Variants in PROSER2 observed in about 807,000 individuals in gnomAD.
PROSER2 encodes proline and serine rich 2.
PROSER2 carries 18 observed loss-of-function variants against 14.6 expected under a neutral mutation model. That is an observed-to-expected ratio of 1.23 (90% CI 0.85 to 1.83). PROSER2 has a LOEUF of 1.83. Ranked by LOEUF, PROSER2 falls within the 40% of genes most tolerant of loss-of-function variation. The probability of loss-of-function intolerance (pLI) is 0.00; values close to 1 mark genes in which losing one functional copy is unlikely to be tolerated. For synonymous variants in PROSER2, 367 were observed against 286.4 expected, an observed-to-expected ratio of 1.28 and a Z score of -2.84; for missense variants, 823 against 629.8, an observed-to-expected ratio of 1.31 and a Z score of -3.28.
In PROSER2 at chr10:11,869,042, G is replaced by A. The variant is rs1444485229; in HGVS notation, c.392-448G>A. On this transcript the variant is annotated intron_variant, in intron 3 of 3. Coordinates refer to ENST00000277570, the MANE Select transcript of PROSER2 (RefSeq NM_153256.4). The surrounding 1 kb of genome is among the most constrained non-coding windows in gnomAD (Gnocchi z 4.4). The stretch of plus-strand genomic sequence containing the variant: ...TATGTAAGGACTCAGAGGCAGGCCT[G>A]TTAAATTCTCTGTCATAGAGGAAAG... 1.3e-5 allele frequency among the ~76,000 whole-genome samples: 2 copies of A among 152,230 alleles called. No individual in the cohort carries two copies. The highest frequency in any genetic ancestry group is 2.9e-5 in the Non-Finnish European group (2 of 68,036).
chr10:11,825,680 C>G (rs1468950526), intron 1 of PROSER2, among the ~76,000 whole-genome samples: 3 of 152,166 alleles, frequency 2.0e-5, no homozygotes, highest in Non-Finnish European at 4.4e-5. Context: ...ATCTTGAAAC[C>G]TAAGAGTATT....
At position 11,840,365 on chromosome 10, in the gene PROSER2, A is replaced by G. The variant is rs117459187; in HGVS notation, c.-81-11632A>G. 3.4e-4 allele frequency among the ~76,000 whole-genome samples: 52 copies of G among 152,210 alleles called. No homozygotes were observed. In the East Asian group the frequency reaches 8.9e-3, roughly 26 times the overall value. Reference sequence around the variant, plus strand: ...TTTCTGCATAATTTTAAGTTTCTCAAATGCTTCTTTCATCATCTATTGAGA... The same window carrying G: ...TTTCTGCATAATTTTAAGTTTCTCAGATGCTTCTTTCATCATCTATTGAGA... On this transcript the variant is annotated intron_variant, in intron 1 of 3. Transcript: ENST00000277570.
chr10:11,827,639 C>T (rs2131043132), intron 1 of PROSER2, among the ~76,000 whole-genome samples: 1 of 151,236 alleles, frequency 6.6e-6, no homozygotes, highest in East Asian at 1.9e-4. Context: ...GTACAATGTG[C>T]CAAGCTGTTG....
chr10:11,843,550 G>A (rs1174502374), intron 1 of PROSER2, among the ~76,000 whole-genome samples: 1 of 152,036 alleles, frequency 6.6e-6, no homozygotes, highest in Non-Finnish European at 1.5e-5. Context: ...TAGGCGCGTG[G>A]TAGCACACGC....
At position 11,830,618 on chromosome 10, in the gene PROSER2, G is replaced by A. The variant is rs1221740042; in HGVS notation, c.-82+7148G>A. 3.3e-5 allele frequency among the ~76,000 whole-genome samples: 5 copies of A among 152,132 alleles called. No homozygotes were observed. The highest frequency in any genetic ancestry group is 2.9e-5 in the Non-Finnish European group (2 of 68,024). On this transcript the variant is annotated intron_variant, in intron 1 of 3. Coordinates refer to ENST00000277570, the MANE Select transcript of PROSER2 (RefSeq NM_153256.4). The surrounding 1 kb of genome is among the most constrained non-coding windows in gnomAD (Gnocchi z 4.5). ...AATCTCTATTCTGTTTTCCATAGTC[G>A]ACTCTACCCTTGAGCTACTTAAAGG...
intron 1 of PROSER2, among the ~76,000 whole-genome samples, chr10:11,834,552 T>C (rs1273692144): frequency 6.6e-6 from 1 of 151,686 alleles, no homozygotes; most frequent in African/African-American, 2.4e-5. Context: ...CTGGCCAACC[T>C]GGTGAAACCC....
intron 1 of PROSER2, among the ~76,000 whole-genome samples, chr10:11,827,196 A>G (rs983908186): frequency 2.1e-5 from 3 of 145,830 alleles, no homozygotes; most frequent in African/African-American, 5.0e-5. Flanking sequence ...TTCCTTTACA[A>G]AAAAAAAAAA....
chr10:11,853,241 A>AC (rs1012537300), intron 2 of PROSER2, among the ~76,000 whole-genome samples: 2 of 152,060 alleles, frequency 1.3e-5, no homozygotes, highest in African/African-American at 4.8e-5. Context: ...AATTTTCTAG[A>AC]CCCCCACTTG....
At chr10:11,825,776 G>T (rs1219274701) in intron 1 of PROSER2, among the ~76,000 whole-genome samples, 1 of 152,224 alleles carries the variant, frequency 6.6e-6, no homozygotes. Context: ...TGCCTTGTCG[G>T]ACAGGGATGG....
intron 1 of PROSER2, among the ~76,000 whole-genome samples, chr10:11,841,509 A>G (rs527938764): frequency 7.2e-5 from 11 of 152,122 alleles, no homozygotes; most frequent in African/African-American, 2.6e-4. Context: ...GGTTCATTAA[A>G]TTTCAGCCTT....
In PROSER2 at chr10:11,830,062, C is replaced by T. The variant is rs953349247; in HGVS notation, c.-82+6592C>T. On this transcript the variant is annotated intron_variant, in intron 1 of 3. Transcript: ENST00000277570. The surrounding 1 kb of genome is among the most constrained non-coding windows in gnomAD (Gnocchi z 4.5). ...TTTGCCATGTTGGCCATGCTGGTCT[C>T]GAACTCCTGAGCTCAAGTGATTCAC... 6.6e-6 allele frequency among the ~76,000 whole-genome samples: 1 copy of T among 151,926 alleles called. No homozygotes were observed. Among genetic ancestry groups the T allele is most frequent in the Non-Finnish European group, 1.5e-5 (1 of 67,980 alleles).
intron 1 of PROSER2, among the ~76,000 whole-genome samples, chr10:11,825,453 G>C (rs1833598067): frequency 1.3e-5 from 2 of 152,156 alleles, no homozygotes; most frequent in South Asian, 2.1e-4. Context: ...GCTCTAAGAA[G>C]AGGGCCTTGC....
rs184288372 is a variant in PROSER2 at position 11,836,389 on chromosome 10, G to A, written c.-82+12919G>A. The stretch of plus-strand genomic sequence containing the variant: ...TTTTTGCATTTTTGGTAGAGATGGG[G>A]TTTCACCATGTTAGCCAGGCTGGTC... On this transcript the variant is annotated intron_variant, in intron 1 of 3. Transcript: ENST00000277570. The surrounding 1 kb of genome is among the most constrained non-coding windows in gnomAD (Gnocchi z 4.6). 9.9e-5 allele frequency among the ~76,000 whole-genome samples: 15 copies of A among 152,118 alleles called. No individual in the cohort carries two copies. Among genetic ancestry groups the A allele is most frequent in the African/African-American group, 3.1e-4 (13 of 41,496 alleles).
chr10:11,857,942 T>C (rs1322736678), intron 2 of PROSER2, among the ~76,000 whole-genome samples: 1 of 152,044 alleles, frequency 6.6e-6, no homozygotes, highest in Admixed American at 6.6e-5. Context: ...TTTCTTTTTT[T>C]TTCCCCCCCA....
chr10:11,840,416 C>G (rs1833820019), intron 1 of PROSER2, among the ~76,000 whole-genome samples: 1 of 152,098 alleles, frequency 6.6e-6, no homozygotes, highest in African/African-American at 2.4e-5. Context: ...TCTAATTTAA[C>G]CTGTTAATGT....
intron 2 of PROSER2, among the ~76,000 whole-genome samples, chr10:11,854,581 G>C (rs1834086836): frequency 6.6e-6 from 1 of 151,556 alleles, no homozygotes; most frequent in Non-Finnish European, 1.5e-5. Context: ...CAAGTGCTGG[G>C]ATTATAGGCA....
Position 11,870,387 on chromosome 10 carries a change from T to C in PROSER2, c.1289T>C (p.Leu430Pro). ...ARREALRKLG[L>P]LRESS Reference sequence around the variant, plus strand: ...AGGGAGGCCCTGCGGAAGCTGGGGCTGCTCAGGGAGAGTTCGTGAGGGCCG... The same window carrying C: ...AGGGAGGCCCTGCGGAAGCTGGGGCCGCTCAGGGAGAGTTCGTGAGGGCCG... Residue 430 changes from leucine (L) to proline (P), a missense_variant, in exon 4 of 4, where the codon CTG (leucine) becomes CCG (proline). Transcript: ENST00000277570. 1 of 1,505,034 alleles carries C rather than the reference T, an allele frequency of 6.6e-7. No individual in the cohort carries two copies. Among genetic ancestry groups the C allele is most frequent in the Non-Finnish European group, 8.9e-7 (1 of 1,128,902 alleles). The allele number at this position is 1,505,034 out of a possible 1,614,324, so 93.2% of individuals were successfully genotyped here.
At position 11,842,931 on chromosome 10, in the gene PROSER2, C is replaced by CTTTTTTTTTTTTTTTTT. The variant is rs558283551; in HGVS notation, c.-81-9055_-81-9039dup. 2.6e-3 allele frequency among the ~76,000 whole-genome samples: 136 copies of CTTTTTTTTTTTTTTTTT among 51,952 alleles called. 19 individuals carry two copies. Among genetic ancestry groups the CTTTTTTTTTTTTTTTTT allele is most frequent in the African/African-American group, 3.1e-3 (46 of 14,736 alleles). The allele number at this position is 51,952 out of a possible 152,430, so 34.1% of individuals were successfully genotyped here. A position where few individuals can be genotyped will look rare whatever the true frequency, so the allele number is the denominator to read the frequency against. ...TTTTCTATACTATTTTGCCATTGTT[C>CTTTTTTTTTTTTTTTTT]TTTTTTTTTTTTTTTTTTTTTTTTT... On this transcript the variant is annotated intron_variant, in intron 1 of 3. Transcript: ENST00000277570.
rs1032175966 is a variant in PROSER2 at position 11,870,254 on chromosome 10, C to A, written c.1156C>A (p.Pro386Thr). The change falls in exon 4 of 4, where the codon CCC becomes ACC. Residue 386 changes from proline to threonine, a missense_variant. Pro to Thr is a conservative substitution (Grantham distance 38). Coordinates refer to ENST00000277570, the MANE Select transcript of PROSER2 (RefSeq NM_153256.4). ...GCGGGCCCGTCAGAGCTTCCCCGGG[C>A]CCCGGCAGCCCAACGGCGCCCAGGA... ...STRARQSFPG[P>T]RQPNGAQDWR... The A allele has an allele frequency of 1.3e-6, 2 of 1,486,706 alleles. No homozygotes were observed. The highest frequency in any genetic ancestry group is 1.3e-5 in the South Asian group (1 of 79,524). The allele number at this position is 1,486,706 out of a possible 1,614,324, so 92.1% of individuals were successfully genotyped here.
Sources: gnomAD v4.1 joint callset for allele counts (sites outside exome capture counted in the v4.1 genomes callset) on GRCh38, gnomAD v4.1.1 for gene constraint, Gnocchi (gnomAD v3.1) non-coding constraint, MANE v1.5 for transcripts, NCBI Gene and HGNC (gene_info 2026-07-23, HGNC 2026-07-21) for gene names.